Variants in ABTB3 observed in about 807,000 individuals in gnomAD.
ABTB3 encodes ankyrin repeat- and BTB/POZ domain-containing protein 3.
chr12:107,443,844 C>T, the ABTB3 span, among the ~76,000 whole-genome samples: 2 of 152,148 alleles, frequency 1.3e-5, no homozygotes, highest in African/African-American at 4.8e-5. Flanking sequence ...CAGTCTCCTG[C>T]CCTCGGAAAG....
chr12:107,334,360 A>G, the ABTB3 span, among the ~76,000 whole-genome samples: 1 of 152,156 alleles, frequency 6.6e-6, no homozygotes, highest in Non-Finnish European at 1.5e-5. Context: ...TGTAACTAAA[A>G]GGTGGATTCA....
At chr12:107,373,193 C>T in the ABTB3 span, among the ~76,000 whole-genome samples, 8 of 152,190 alleles carry the variant, frequency 5.3e-5, no homozygotes, top group Non-Finnish European at 1.0e-4. Flanking sequence ...GAATGAACTC[C>T]GCATTGGCTG....
chr12:107,410,056 C>T, the ABTB3 span, among the ~76,000 whole-genome samples: 2 of 152,000 alleles, frequency 1.3e-5, no homozygotes, highest in African/African-American at 4.8e-5. Flanking sequence ...AGCTGAGGTT[C>T]CAGCATCCCC....
chr12:107,496,372 G>A, the ABTB3 span, among the ~76,000 whole-genome samples: 39 of 152,100 alleles, frequency 2.6e-4, no homozygotes, highest in East Asian at 5.8e-4. Flanking sequence ...CTGAAGTCTC[G>A]GCTTTCATGT....
At chr12:107,626,718 C>T in the ABTB3 span, among the ~76,000 whole-genome samples, 2 of 151,908 alleles carry the variant, frequency 1.3e-5, no homozygotes, top group South Asian at 2.1e-4. Flanking sequence ...ATCCATGTCA[C>T]CAAAAGCAAA....
chr12:107,617,120 G>A, the ABTB3 span: 1 of 1,614,138 alleles, frequency 6.2e-7, no homozygotes. Flanking sequence ...AAGGTGGAAG[G>A]CTCAGTGGAG....
the ABTB3 span, among the ~76,000 whole-genome samples, chr12:107,606,647 GA>G: frequency 6.6e-6 from 1 of 152,202 alleles, no homozygotes; most frequent in Non-Finnish European, 1.5e-5. Flanking sequence ...AGACAAAAAA[GA>G]AGAAACTCCA....
chr12:107,462,581 G>T, the ABTB3 span, among the ~76,000 whole-genome samples: 3 of 152,020 alleles, frequency 2.0e-5, no homozygotes, highest in African/African-American at 7.3e-5. Flanking sequence ...TAATGGTGGC[G>T]ATAGTGATTA....
the ABTB3 span, among the ~76,000 whole-genome samples, chr12:107,330,075 G>A: frequency 3.3e-5 from 5 of 152,154 alleles, no homozygotes; most frequent in African/African-American, 9.7e-5. Flanking sequence ...GGAAAAGGTA[G>A]GAAGAATACT....
At chr12:107,369,734 T>C in the ABTB3 span, among the ~76,000 whole-genome samples, 183 of 81,718 alleles carry the variant, frequency 2.2e-3, 1 homozygote, top group Non-Finnish European at 2.3e-3. Context: ...TTTTTTTTTT[T>C]CTGAGCTTTT....
chr12:107,486,015 C>T, the ABTB3 span, among the ~76,000 whole-genome samples: 1 of 152,122 alleles, frequency 6.6e-6, no homozygotes, highest in African/African-American at 2.4e-5. Context: ...TCTTGGATTC[C>T]CAATAATGTG....
the ABTB3 span, among the ~76,000 whole-genome samples, chr12:107,438,582 G>A: frequency 1.3e-5 from 2 of 152,268 alleles, no homozygotes; most frequent in East Asian, 3.9e-4. Context: ...GGAAATGCAA[G>A]TATCTGTGCT....
the ABTB3 span, chr12:107,640,486 A>G: frequency 4.9e-5 from 47 of 968,866 alleles, no homozygotes; most frequent in Admixed American, 1.6e-4. Flanking sequence ...TTGAAGTTCA[A>G]TTTTGGTGGT....
the ABTB3 span, among the ~76,000 whole-genome samples, chr12:107,433,918 C>T: frequency 0.015 from 2,258 of 152,258 alleles, 30 homozygotes; most frequent in Middle Eastern, 0.055. Flanking sequence ...TTTCAGCCTG[C>T]CAACTTCTTG....
chr12:107,387,877 C>A, the ABTB3 span, among the ~76,000 whole-genome samples: 1 of 152,054 alleles, frequency 6.6e-6, no homozygotes, highest in African/African-American at 2.4e-5. Flanking sequence ...GGTCCTTATT[C>A]CACCAAATAG....
At chr12:107,657,993 C>T in the ABTB3 span, 1 of 480,944 alleles carries the variant, frequency 2.1e-6, no homozygotes, top group Non-Finnish European at 3.8e-6. Flanking sequence ...TGCCGGGGAC[C>T]ACTGTCCAGT....
chr12:107,489,875 C>A, the ABTB3 span, among the ~76,000 whole-genome samples: 1 of 151,984 alleles, frequency 6.6e-6, no homozygotes, highest in Admixed American at 6.6e-5. Flanking sequence ...CGACCCTCAG[C>A]CTCCCAAAGT....
chr12:107,575,269 C>T, the ABTB3 span, among the ~76,000 whole-genome samples: 1 of 152,110 alleles, frequency 6.6e-6, no homozygotes, highest in East Asian at 1.9e-4. Context: ...CCCTCTATGT[C>T]GCTCTGTGTA....
the ABTB3 span, among the ~76,000 whole-genome samples, chr12:107,351,026 A>T: frequency 7.2e-5 from 11 of 152,098 alleles, no homozygotes; most frequent in African/African-American, 2.7e-4. Context: ...TGCTAGTAAG[A>T]TTGGAAACCG....
Sources: allele counts gnomAD v4.1 joint callset (sites outside exome capture counted in the v4.1 genomes callset), GRCh38; gene constraint gnomAD v4.1.1; transcripts MANE v1.5; gene names NCBI Gene and HGNC (gene_info 2026-07-23, HGNC 2026-07-21).